LUC7L: variants seen among roughly 807,000 people sequenced by gnomAD.
LUC7L encodes the protein LUC7 like.
Under a neutral mutation model 51.1 loss-of-function variants are expected in LUC7L, and 29 were observed. The ratio of observed to expected loss-of-function variants is 0.57; its 90% CI spans 0.42 to 0.77. The LOEUF is 0.77. Among genes scored for constraint, LUC7L ranks in the 30% least tolerant of loss-of-function variants. The probability of loss-of-function intolerance (pLI) is 0.00; values close to 1 mark genes in which losing one functional copy is unlikely to be tolerated. For missense variants in LUC7L, 403 were observed against 511.9 expected (o/e 0.79, Z 2.05); for synonymous variants, 181 against 180.7 (o/e 1.00, Z -0.01).
At chr16:208,586 A>C in intron 3 of LUC7L, 1 of 1,029,258 alleles carries the variant, frequency 9.7e-7, no homozygotes, top group South Asian at 3.4e-5. Context: ...TGAGAGATGC[A>C]TATGATGTAC....
At chr16:202,578 G>A (rs1200289928) in intron 5 of LUC7L, among the ~76,000 whole-genome samples, 1 of 152,168 alleles carries the variant, frequency 6.6e-6, no homozygotes, top group Non-Finnish European at 1.5e-5. Context: ...CAGGTGTGGA[G>A]CCTAGGAGCA....
intron 1 of LUC7L, chr16:228,300 G>C: frequency 1.5e-6 from 2 of 1,302,844 alleles, no homozygotes; most frequent in Non-Finnish European, 2.0e-6. Flanking sequence ...ACACTTTTTT[G>C]TTATAACAGC....
chr16:190,072 C>A lies in LUC7L; in HGVS notation c.870G>T (p.Leu290Phe), dbSNP rs2048971510. The part of the protein sequence containing the change: ...SRSTSRERRK[L>F]SRSRSRDRHR... ...GTCTATCTCGGGACCGGGACCGGGACAATTTCCGTCGCTCTCGGGAGGTAG... is the reference window on the plus strand; with the variant it reads ...GTCTATCTCGGGACCGGGACCGGGAAAATTTCCGTCGCTCTCGGGAGGTAG... The change falls in exon 9 of 10, where the codon TTG becomes TTT. Residue 290 changes from leucine to phenylalanine, a missense_variant. Physicochemically the swap from Leu to Phe is conservative, Grantham distance 22. Around this residue, in one of 3 missense-constraint regions of LUC7L, gnomAD observed 206 missense variants for 218.3 expected, o/e 0.94. Transcript: ENST00000293872. 6.2e-7 allele frequency: 1 copy of A among 1,613,428 alleles called. No homozygotes were observed. Among genetic ancestry groups the A allele is most frequent in the Admixed American group, 1.7e-5 (1 of 59,944 alleles).
At position 208,233 on chromosome 16, in the gene LUC7L, C is replaced by T. The variant is rs761872804; in HGVS notation, c.256-45G>A. 1.8e-5 allele frequency: 25 copies of T among 1,415,402 alleles called. No individual in the cohort carries two copies. In the Middle Eastern group the frequency reaches 8.8e-4, roughly 50 times the overall value. The allele number at this position is 1,415,402 out of a possible 1,614,324, so 87.7% of individuals were successfully genotyped here. A position where few individuals can be genotyped will look rare whatever the true frequency, so the allele number is the denominator to read the frequency against. ...GCGCTATAATCAATGATGTGTAAAG[C>T]GTAAAGTCTTAGAACCCATTTGCTT... On this transcript the variant is annotated intron_variant, in intron 3 of 9. Transcript: ENST00000293872.
chr16:198,361 G>T (rs2049221261), intron 6 of LUC7L, among the ~76,000 whole-genome samples: 1 of 151,608 alleles, frequency 6.6e-6, no homozygotes, highest in Non-Finnish European at 1.5e-5. Flanking sequence ...TCTGGGCTGG[G>T]ATGGTACAAT....
chr16:189,591 A>C (rs2048954659), intron 9 of LUC7L: 2 of 1,364,234 alleles, frequency 1.5e-6, no homozygotes, highest in African/African-American at 2.9e-5. Context: ...GGAGAATACA[A>C]CACTATATGC....
At chr16:205,699 C>T (rs1430488146) in intron 5 of LUC7L, among the ~76,000 whole-genome samples, 1 of 152,240 alleles carries the variant, frequency 6.6e-6, no homozygotes, top group African/African-American at 2.4e-5. Flanking sequence ...ACGCCATTCT[C>T]CTTCCTCAGC....
chr16:198,126 A>C (rs1279711428), intron 6 of LUC7L, among the ~76,000 whole-genome samples: 1 of 151,612 alleles, frequency 6.6e-6, no homozygotes, highest in African/African-American at 2.4e-5. Context: ...AACAACAACA[A>C]AAATTAGCCG....
intron 3 of LUC7L, among the ~76,000 whole-genome samples, chr16:210,415 C>T (rs148355342): frequency 6.6e-6 from 1 of 152,310 alleles, no homozygotes; most frequent in Non-Finnish European, 1.5e-5. Context: ...CACCTGTACA[C>T]TGGACTTTCT....
intron 3 of LUC7L, among the ~76,000 whole-genome samples, chr16:211,082 G>A (rs183531493): frequency 4.7e-5 from 7 of 149,750 alleles, no homozygotes. Flanking sequence ...TAAATGGTAG[G>A]CCCAGCACGG....
intron 5 of LUC7L, among the ~76,000 whole-genome samples, chr16:201,400 C>T (rs1380983374): frequency 6.6e-6 from 1 of 151,900 alleles, no homozygotes; most frequent in Non-Finnish European, 1.5e-5. Flanking sequence ...TAAAAAAAGT[C>T]AGTCCCAAAA....
chr16:216,126 C>T (rs758167024), intron 3 of LUC7L, among the ~76,000 whole-genome samples: 21 of 152,036 alleles, frequency 1.4e-4, no homozygotes, highest in Non-Finnish European at 3.1e-4. Context: ...CTCAGCCTCC[C>T]GAGTAGCTGG....
intron 1 of LUC7L, 109 bp from the exon 2 acceptor site, chr16:227,445 T>C: frequency 6.7e-7 from 1 of 1,499,612 alleles, no homozygotes; most frequent in Non-Finnish European, 8.9e-7. Flanking sequence ...ATTTCTGTGT[T>C]CTCCCCATCA....
chr16:226,250 T>C (rs1162900689), intron 2 of LUC7L, among the ~76,000 whole-genome samples: 1 of 152,194 alleles, frequency 6.6e-6, no homozygotes, highest in Non-Finnish European at 1.5e-5. Flanking sequence ...TAAGCAATGA[T>C]TCATCATGAA....
At position 193,024 on chromosome 16, in the gene LUC7L, A is replaced by G; in HGVS notation, c.688-9T>C. On this transcript the variant is annotated splice_polypyrimidine_tract_variant and intron_variant, in intron 6 of 9. Coordinates refer to ENST00000293872, the MANE Select transcript of LUC7L (RefSeq NM_201412.3). ...TTTTCAGCGACAGTTTTCTAAATAAATGAAACAAAAAATGAGGAAGAGCAA... is the reference window on the plus strand; with the variant it reads ...TTTTCAGCGACAGTTTTCTAAATAAGTGAAACAAAAAATGAGGAAGAGCAA... 1 of 1,610,328 alleles carries G rather than the reference A, an allele frequency of 6.2e-7. No individual in the cohort carries two copies. Among genetic ancestry groups the G allele is most frequent in the Non-Finnish European group, 8.5e-7 (1 of 1,178,548 alleles).
In LUC7L at chr16:206,100, A is replaced by T; in HGVS notation, c.414T>A (p.Ala138=). The T allele has an allele frequency of 6.2e-7, 1 of 1,613,970 alleles. No individual in the cohort carries two copies. Among genetic ancestry groups the T allele is most frequent in the Non-Finnish European group, 8.5e-7 (1 of 1,179,986 alleles). ...ELNEEIGKLL[A]KAEQLGAEGN... The stretch of plus-strand genomic sequence containing the variant: ...CTTCAGCCCCTAGCTGTTCGGCTTT[A>T]GCAAGGAGTTTTCCTATTTCTTCAT... The change falls in exon 5 of 10, where the codon GCT becomes GCA. Residue 138 remains alanine, a synonymous_variant. Coordinates refer to ENST00000293872, the MANE Select transcript of LUC7L (RefSeq NM_201412.3).
intron 2 of LUC7L, among the ~76,000 whole-genome samples, chr16:221,247 G>A (rs957826110): frequency 2.0e-4 from 27 of 135,618 alleles, no homozygotes; most frequent in East Asian, 6.7e-4. Flanking sequence ...GTTTCGCCAC[G>A]TTGGCCAGGC....
intron 3 of LUC7L, among the ~76,000 whole-genome samples, chr16:213,084 C>T (rs899361595): frequency 2.0e-5 from 3 of 152,062 alleles, no homozygotes; most frequent in Non-Finnish European, 2.9e-5. Context: ...TTTTTCAGAG[C>T]TTAATATGAT....
At chr16:206,596 G>A (rs1306580316) in intron 4 of LUC7L, among the ~76,000 whole-genome samples, 4 of 152,134 alleles carry the variant, frequency 2.6e-5, no homozygotes, top group Non-Finnish European at 5.9e-5. Context: ...GAAAAAACAA[G>A]GAGAGGCTTA....
Sources: allele counts gnomAD v4.1 joint callset (sites outside exome capture counted in the v4.1 genomes callset), GRCh38; gene constraint gnomAD v4.1.1; regional missense constraint gnomAD v4.1.1; transcripts MANE v1.5; gene names NCBI Gene and HGNC (gene_info 2026-07-23, HGNC 2026-07-21).